CDH19: variants seen among roughly 807,000 people sequenced by gnomAD.
CDH19 encodes cadherin 19.
CDH19 carries 67 observed loss-of-function variants against 64.2 expected under a neutral mutation model. The observed-to-expected ratio is 1.04, with a 90% CI of 0.86 to 1.28. CDH19 has a LOEUF of 1.28. CDH19 is among the 50% of genes most tolerant of loss of function. CDH19 has a pLI of 0.00. For synonymous variants in CDH19, 346 were observed against 319.3 expected, an observed-to-expected ratio of 1.08 and a Z score of -0.89; for missense variants, 1,030 against 929.0, an observed-to-expected ratio of 1.11 and a Z score of -1.41.
At chr18:66,558,926 C>A (rs1987619843) in intron 3 of CDH19, among the ~76,000 whole-genome samples, 1 of 151,982 alleles carries the variant, frequency 6.6e-6, no homozygotes, top group Non-Finnish European at 1.5e-5. Flanking sequence ...CACCACAATG[C>A]TCTTTTCAAG....
chr18:66,559,906 C>T (rs1277091891), intron 3 of CDH19, among the ~76,000 whole-genome samples: 2 of 151,876 alleles, frequency 1.3e-5, no homozygotes, highest in South Asian at 2.1e-4. Flanking sequence ...TAAAAGCTAG[C>T]TCAATCAAAA....
intron 9 of CDH19, among the ~76,000 whole-genome samples, chr18:66,524,721 C>T (rs1057256883): frequency 2.6e-5 from 4 of 151,840 alleles, no homozygotes; most frequent in Admixed American, 6.6e-5. Flanking sequence ...GAGTCTATCA[C>T]CCTATGCACA....
chr18:66,513,120 A>G (rs895511395), intron 9 of CDH19, among the ~76,000 whole-genome samples: 1 of 151,466 alleles, frequency 6.6e-6, no homozygotes, highest in Non-Finnish European at 1.5e-5. Flanking sequence ...ATTCATGTTT[A>G]TCTTGCTGGC....
chr18:66,531,770 G>T (rs1399691435), intron 8 of CDH19, among the ~76,000 whole-genome samples: 2 of 152,072 alleles, frequency 1.3e-5, no homozygotes, highest in African/African-American at 4.8e-5. Flanking sequence ...CTGCCTTATA[G>T]GGTTGTTGTT....
chr18:66,572,919 T>C (rs1267796106), intron 1 of CDH19, among the ~76,000 whole-genome samples: 3 of 151,774 alleles, frequency 2.0e-5, no homozygotes, highest in African/African-American at 4.8e-5. Context: ...GGGGAAGAAG[T>C]GTTTATCAGC....
intron 3 of CDH19, among the ~76,000 whole-genome samples, chr18:66,559,851 A>G (rs1373389257): frequency 2.0e-5 from 3 of 151,852 alleles, no homozygotes; most frequent in Non-Finnish European, 4.4e-5. Flanking sequence ...AAAATACTGG[A>G]TTTAGGAATT....
chr18:66,504,872 C>T lies in CDH19; in HGVS notation c.2259G>A (p.Leu753=), dbSNP rs1269384912. 6.2e-7 allele frequency: 1 copy of T among 1,612,354 alleles called. No individual in the cohort carries two copies. The highest frequency in any genetic ancestry group is 1.1e-5 in the South Asian group (1 of 91,044). ...ATGCTAATCTTTTAAAGCGAGGTCCCAACTCATTAAGGTAATCATAGCTTT... is the reference window on the plus strand; with the variant it reads ...ATGCTAATCTTTTAAAGCGAGGTCCTAACTCATTAAGGTAATCATAGCTTT... ...QDESYDYLNE[L]GPRFKRLACM... The change falls in exon 12 of 12, where the codon TTG becomes TTA. Residue 753 remains leucine (L), a synonymous_variant. Coordinates refer to ENST00000262150, the MANE Select transcript of CDH19 (RefSeq NM_021153.4).
At chr18:66,562,207 A>T (rs917837530) in intron 3 of CDH19, among the ~76,000 whole-genome samples, 2 of 151,774 alleles carry the variant, frequency 1.3e-5, no homozygotes, top group African/African-American at 4.8e-5. Context: ...TACTATTACT[A>T]CATTGTAATA....
At chr18:66,574,252 TA>T (rs1380922423) in intron 1 of CDH19, among the ~76,000 whole-genome samples, 1 of 151,656 alleles carries the variant, frequency 6.6e-6, no homozygotes, top group Non-Finnish European at 1.5e-5. Flanking sequence ...ATATTTTTTA[TA>T]AATGTTTAGG....
chr18:66,575,191 A>C (rs917562005), intron 1 of CDH19, among the ~76,000 whole-genome samples: 9 of 151,840 alleles, frequency 5.9e-5, no homozygotes, highest in Admixed American at 5.3e-4. Flanking sequence ...GTAGTGCTAC[A>C]AAAAACTAAG....
intron 7 of CDH19, among the ~76,000 whole-genome samples, chr18:66,541,222 TCTTA>T (rs1986874022): frequency 6.6e-6 from 1 of 152,262 alleles, no homozygotes; most frequent in South Asian, 2.1e-4. Flanking sequence ...AGCAGGTGAT[TCTTA>T]CTTAGTAGGA....
intron 3 of CDH19, among the ~76,000 whole-genome samples, chr18:66,560,418 T>C (rs1348212057): frequency 1.3e-5 from 2 of 152,020 alleles, no homozygotes; most frequent in Non-Finnish European, 2.9e-5. Flanking sequence ...ATTTGGCACC[T>C]GCTTTACACC....
rs537612135 is a variant in CDH19, at chr18:66,542,902, C to T, written c.1214+1069G>A. ...TTCTGAAACCATTCCCCTTCACCCCCCCGACCTTGGAAAAATTGTCTTCCA... is the reference window on the plus strand; with the variant it reads ...TTCTGAAACCATTCCCCTTCACCCCTCCGACCTTGGAAAAATTGTCTTCCA... On this transcript the variant is annotated intron_variant, in intron 7 of 11. Coordinates refer to ENST00000262150, the MANE Select transcript of CDH19 (RefSeq NM_021153.4). 1.1e-4 allele frequency among the ~76,000 whole-genome samples: 17 copies of T among 152,294 alleles called. No individual in the cohort carries two copies. The South Asian group carries it at 3.3e-3, about 30-fold the overall frequency.
At chr18:66,547,140 C>T (rs1328253767) in intron 5 of CDH19, among the ~76,000 whole-genome samples, 4 of 151,946 alleles carry the variant, frequency 2.6e-5, no homozygotes, top group African/African-American at 7.3e-5. Context: ...CTAATAGAGA[C>T]GAAATAAGAT....
At chr18:66,546,232 G>A (rs913149777) in intron 5 of CDH19, among the ~76,000 whole-genome samples, 1 of 152,074 alleles carries the variant, frequency 6.6e-6, no homozygotes, top group Non-Finnish European at 1.5e-5. Flanking sequence ...TTTTTAAGTG[G>A]AATAAGTGTT....
At chr18:66,512,369 C>T (rs900967612) in intron 9 of CDH19, among the ~76,000 whole-genome samples, 4 of 151,238 alleles carry the variant, frequency 2.6e-5, no homozygotes, top group African/African-American at 4.8e-5. Context: ...TCATTATTGT[C>T]GAAAAAGATA....
intron 3 of CDH19, among the ~76,000 whole-genome samples, chr18:66,562,764 T>C (rs1987769843): frequency 6.6e-6 from 1 of 152,158 alleles, no homozygotes; most frequent in African/African-American, 2.4e-5. Context: ...GTTGTGTGTG[T>C]GAAATGAAGC....
intron 1 of CDH19, among the ~76,000 whole-genome samples, chr18:66,572,969 A>G (rs1417829061): frequency 1.3e-5 from 2 of 151,672 alleles, no homozygotes; most frequent in East Asian, 3.9e-4. Flanking sequence ...TAAATACAAA[A>G]TGATTGTTCC....
chr18:66,564,859 C>T (rs532623916), intron 3 of CDH19, among the ~76,000 whole-genome samples: 1 of 105,528 alleles, frequency 9.5e-6, no homozygotes, highest in East Asian at 2.2e-4. Flanking sequence ...ATTTTAAATG[C>T]CCCTTCTTTT....
Sources: gnomAD v4.1 joint callset for allele counts (sites outside exome capture counted in the v4.1 genomes callset) on GRCh38, gnomAD v4.1.1 for gene constraint, MANE v1.5 for transcripts, NCBI Gene and HGNC (gene_info 2026-07-23, HGNC 2026-07-21) for gene names.